Variants in DCDC2C observed in about 807,000 individuals in gnomAD.
The protein encoded by DCDC2C is doublecortin domain-containing protein 2C.
Under a neutral mutation model 45.0 loss-of-function variants are expected in DCDC2C, and 44 were observed. That is an observed-to-expected ratio of 0.98 (90% CI 0.77 to 1.26). The LOEUF (loss-of-function observed/expected upper bound fraction) is 1.26, where lower values mean the gene tolerates loss of function less well. Ranked by LOEUF, DCDC2C falls within the 50% of genes most tolerant of loss-of-function variation. The pLI, the probability that DCDC2C is intolerant of heterozygous loss-of-function variation, is 0.00. For synonymous variants in DCDC2C, 187 were observed against 178.8 expected (o/e 1.05, Z -0.37); for missense variants, 447 against 468.9 (o/e 0.95, Z 0.43).
chr2:3,761,667 C>A lies in DCDC2C; in HGVS notation c.727-6087C>A, dbSNP rs1472236670. 1.3e-5 allele frequency among the ~76,000 whole-genome samples: 2 copies of A among 152,214 alleles called. No individual in the cohort carries two copies. Among genetic ancestry groups the A allele is most frequent in the Non-Finnish European group, 2.9e-5 (2 of 68,040 alleles). On this transcript the variant is annotated intron_variant, in intron 6 of 10. Transcript: ENST00000399143. The surrounding 1 kb of genome is among the most constrained non-coding windows in gnomAD (Gnocchi z 4.3). Reference sequence around the variant, plus strand: ...GCAGGCCTGGTTCATTGGTAGAAGACCTTGACCCACTTGGGATGGAAATGG... The same window carrying A: ...GCAGGCCTGGTTCATTGGTAGAAGAACTTGACCCACTTGGGATGGAAATGG...
chr2:3,812,816 C>T (rs914828623), intron 10 of DCDC2C, among the ~76,000 whole-genome samples: 1 of 152,004 alleles, frequency 6.6e-6, no homozygotes, highest in East Asian at 1.9e-4. Flanking sequence ...TTCTTGATTT[C>T]TGTCTCAATT....
intron 3 of DCDC2C, among the ~76,000 whole-genome samples, chr2:3,730,626 G>A (rs944001776): frequency 6.6e-6 from 1 of 152,060 alleles, no homozygotes; most frequent in African/African-American, 2.4e-5. Context: ...GGTAGAATGA[G>A]CAGGGAGAAG....
Position 3,767,873 on chromosome 2 carries a change from G to A in DCDC2C, c.846G>A (p.Arg282=), listed in dbSNP as rs995096869. The A allele has an allele frequency of 7.2e-6, 11 of 1,518,202 alleles. No homozygotes were observed. Among genetic ancestry groups the A allele is most frequent in the African/African-American group, 2.8e-5 (2 of 70,690 alleles). 94.0% of individuals were successfully genotyped at this position (1,518,202 alleles called of 1,614,324 possible). A position where few individuals can be genotyped will look rare whatever the true frequency, so the allele number is the denominator to read the frequency against. Residue 282 remains arginine, a synonymous_variant, in exon 7 of 11, where the codon AGG becomes AGA. Coordinates refer to ENST00000399143, the MANE Select transcript of DCDC2C (RefSeq NM_001287444.2). The part of the protein sequence containing the change: ...KKTLAEPLVQ[R]GAEGDVYKAP... ...CATTGGCAGAACCTTTAGTCCAAAG[G>A]GGTGCAGGTGACGTGCAGTTTCATT...
At chr2:3,799,941 G>C (rs1671070224) in intron 10 of DCDC2C, among the ~76,000 whole-genome samples, 1 of 152,220 alleles carries the variant, frequency 6.6e-6, no homozygotes, top group African/African-American at 2.4e-5. Context: ...GCAATCCTGG[G>C]CAATGGCGGG....
chr2:3,830,026 A>G (rs1423529291), intron 10 of DCDC2C, among the ~76,000 whole-genome samples: 1 of 152,240 alleles, frequency 6.6e-6, no homozygotes, highest in Non-Finnish European at 1.5e-5. Flanking sequence ...AGTGCCATAT[A>G]GGCTGGGAGG....
In DCDC2C at chr2:3,805,613, G is replaced by A. The variant is rs189866676; in HGVS notation, c.1065+20513G>A. On this transcript the variant is annotated intron_variant, in intron 10 of 10. Transcript: ENST00000399143. The stretch of plus-strand genomic sequence containing the variant: ...GTGCTTCTGTGAAATGTTTCACAGC[G>A]TATTTTATGACATTTTAAAAGAAGT... 2.9e-4 allele frequency among the ~76,000 whole-genome samples: 44 copies of A among 152,276 alleles called. No homozygotes were observed. The East Asian group carries it at 7.9e-3, about 27-fold the overall frequency.
At position 3,766,126 on chromosome 2, in the gene DCDC2C, C is replaced by G. The variant is rs529216958; in HGVS notation, c.727-1628C>G. On this transcript the variant is annotated intron_variant, in intron 6 of 10. Coordinates refer to ENST00000399143, the MANE Select transcript of DCDC2C (RefSeq NM_001287444.2). ...TCCGCGTTTGTATCTCATTGCAGTG[C>G]CCGGGGTGGTGGGGGCTGGGTCACA... 2.3e-4 allele frequency among the ~76,000 whole-genome samples: 35 copies of G among 152,088 alleles called. No individual in the cohort carries two copies. In the East Asian group the frequency reaches 6.2e-3, roughly 27 times the overall value.
chr2:3,730,252 A>G (rs1361891699), intron 3 of DCDC2C, among the ~76,000 whole-genome samples: 1 of 152,124 alleles, frequency 6.6e-6, no homozygotes, highest in Non-Finnish European at 1.5e-5. Context: ...GGAGTTTGAG[A>G]TAATCCTGGG....
chr2:3,794,182 T>C (rs934055130), intron 10 of DCDC2C, among the ~76,000 whole-genome samples: 2 of 152,196 alleles, frequency 1.3e-5, no homozygotes, highest in African/African-American at 4.8e-5. Context: ...TATTGGTTCA[T>C]TGAGTTATGC....
intron 4 of DCDC2C, among the ~76,000 whole-genome samples, chr2:3,748,007 G>A (rs181480370): frequency 2.0e-4 from 31 of 152,148 alleles, no homozygotes; most frequent in Admixed American, 2.0e-3. Flanking sequence ...GGTGGAGATC[G>A]TCCCCATCAG....
intron 3 of DCDC2C, among the ~76,000 whole-genome samples, chr2:3,741,674 G>A (rs557110695): frequency 4.6e-5 from 7 of 151,226 alleles, no homozygotes; most frequent in Middle Eastern, 3.4e-3. Context: ...TGTGGTTTTC[G>A]TCTACAACAA....
At chr2:3,715,292 T>G (rs1668320126) in intron 2 of DCDC2C, among the ~76,000 whole-genome samples, 1 of 152,138 alleles carries the variant, frequency 6.6e-6, no homozygotes, top group South Asian at 2.1e-4. Context: ...TTAGAGAACC[T>G]TTTTATATGT....
intron 10 of DCDC2C, among the ~76,000 whole-genome samples, chr2:3,798,696 GCC>G (rs1558232870): frequency 6.6e-6 from 1 of 151,392 alleles, no homozygotes; most frequent in African/African-American, 2.4e-5. Flanking sequence ...TTGAATATTG[GCC>G]CCCACTCTCT....
chr2:3,749,030 T>C (rs1669457734), intron 4 of DCDC2C, among the ~76,000 whole-genome samples: 1 of 152,192 alleles, frequency 6.6e-6, no homozygotes, highest in Non-Finnish European at 1.5e-5. Context: ...TCATTAAACA[T>C]AAATATTTTA....
chr2:3,766,385 G>C (rs60771747), intron 6 of DCDC2C, among the ~76,000 whole-genome samples: 1 of 152,096 alleles, frequency 6.6e-6, no homozygotes, highest in South Asian at 2.1e-4. Context: ...TCAACAACCA[G>C]AGTTCAGTGA....
chr2:3,782,443 A>C (rs1670537596), intron 9 of DCDC2C, among the ~76,000 whole-genome samples: 1 of 151,894 alleles, frequency 6.6e-6, no homozygotes, highest in Non-Finnish European at 1.5e-5. Flanking sequence ...TAAAGATGGA[A>C]TGTTATTAAC....
chr2:3,762,403 C>T (rs898149515), intron 6 of DCDC2C, among the ~76,000 whole-genome samples: 13 of 151,976 alleles, frequency 8.6e-5, no homozygotes, highest in African/African-American at 3.1e-4. Context: ...TCTTACACTG[C>T]TATAAAGAAA....
intron 10 of DCDC2C, among the ~76,000 whole-genome samples, chr2:3,812,003 C>T (rs751963899): frequency 1.3e-3 from 200 of 152,014 alleles, no homozygotes; most frequent in South Asian, 3.7e-3. Context: ...TGAGGATTTT[C>T]GCATCGATGT....
intron 3 of DCDC2C, 114 bp downstream of exon 3, chr2:3,727,193 C>T (rs1668714199): frequency 2.5e-6 from 2 of 795,032 alleles, no homozygotes; most frequent in Non-Finnish European, 4.1e-6. Flanking sequence ...CTCCCCTCCC[C>T]TCCCCCTGCT....
Sources: allele counts gnomAD v4.1 joint callset (sites outside exome capture counted in the v4.1 genomes callset), GRCh38; gene constraint gnomAD v4.1.1; non-coding constraint Gnocchi (gnomAD v3.1); transcripts MANE v1.5; gene names NCBI Gene and HGNC (gene_info 2026-07-23, HGNC 2026-07-21).